SMCO4: variants seen among roughly 807,000 people sequenced by gnomAD.
SMCO4 encodes single-pass membrane protein with coiled-coil domains 4.
In SMCO4, 4 loss-of-function variants were observed where a neutral mutation model predicts 3.6. That is an observed-to-expected ratio of 1.11 (90% CI 0.54 to 2.53). The LOEUF (loss-of-function observed/expected upper bound fraction) is 2.53. Among genes scored for constraint, SMCO4 ranks in the 30% most tolerant of loss-of-function variants. SMCO4 has a pLI of 0.02. For missense variants in SMCO4, 70 were observed against 80.8 expected (o/e 0.87, Z 0.51); for synonymous variants, 36 against 35.3 (o/e 1.02, Z -0.07).
chr11:93,553,698 G>A, the SMCO4 span, among the ~76,000 whole-genome samples: 1 of 152,174 alleles, frequency 6.6e-6, no homozygotes, highest in African/African-American at 2.4e-5. Context: ...ATATTTTAAA[G>A]CTGCATCTTA....
intron 1 of SMCO4, among the ~76,000 whole-genome samples, chr11:93,531,643 C>G (rs553361537): frequency 1.3e-5 from 2 of 152,252 alleles, no homozygotes; most frequent in South Asian, 4.1e-4. Flanking sequence ...ACAGGTAACA[C>G]TAATTAATAT....
At chr11:93,548,496 G>A in the SMCO4 span, among the ~76,000 whole-genome samples, 1 of 152,156 alleles carries the variant, frequency 6.6e-6, no homozygotes, top group African/African-American at 2.4e-5. Flanking sequence ...TAATCATGTA[G>A]CCTGTTTCCT....
At chr11:93,480,423 G>C (rs1948578514) in intron 2 of SMCO4, among the ~76,000 whole-genome samples, 1 of 152,198 alleles carries the variant, frequency 6.6e-6, no homozygotes, top group East Asian at 1.9e-4. Flanking sequence ...CCAGCATTCT[G>C]CATCACCAGC....
intron 1 of SMCO4, among the ~76,000 whole-genome samples, chr11:93,540,261 T>C (rs1949261340): frequency 6.6e-6 from 1 of 151,880 alleles, no homozygotes; most frequent in Non-Finnish European, 1.5e-5. Flanking sequence ...GGGAAAGGAG[T>C]GGATGCCAAT....
intron 1 of SMCO4, among the ~76,000 whole-genome samples, chr11:93,541,907 G>C (rs1454336021): frequency 2.0e-5 from 3 of 152,086 alleles, no homozygotes; most frequent in Admixed American, 6.5e-5. Flanking sequence ...ACATCACACT[G>C]TCGAGCTCTC....
At chr11:93,494,396 G>A (rs1482439678) in intron 2 of SMCO4, among the ~76,000 whole-genome samples, 3 of 152,176 alleles carry the variant, frequency 2.0e-5, no homozygotes, top group African/African-American at 7.2e-5. Context: ...TAACAAGAAA[G>A]CCAAGTTAAC....
chr11:93,487,211 C>T (rs1037452597), intron 2 of SMCO4, among the ~76,000 whole-genome samples: 4 of 152,170 alleles, frequency 2.6e-5, no homozygotes, highest in African/African-American at 9.7e-5. Context: ...GTGATCACTT[C>T]ACTCCAGTCT....
intron 1 of SMCO4, among the ~76,000 whole-genome samples, chr11:93,538,167 G>A (rs1051468973): frequency 2.6e-5 from 4 of 152,194 alleles, no homozygotes; most frequent in Non-Finnish European, 4.4e-5. Context: ...ATCTCCTTGG[G>A]CTCTGATGCC....
At chr11:93,481,885 T>A (rs1948596407) in intron 2 of SMCO4, among the ~76,000 whole-genome samples, 2 of 152,216 alleles carry the variant, frequency 1.3e-5, no homozygotes, top group Non-Finnish European at 2.9e-5. Flanking sequence ...GGGCTAGCCA[T>A]GCCCTGGCTG....
chr11:93,514,101 G>C (rs778873445), intron 1 of SMCO4, among the ~76,000 whole-genome samples: 2 of 151,950 alleles, frequency 1.3e-5, no homozygotes, highest in Admixed American at 1.3e-4. Context: ...CTGAATGAAT[G>C]GTCATGATTC....
intron 2 of SMCO4, among the ~76,000 whole-genome samples, chr11:93,482,682 A>G (rs1948605530): frequency 1.3e-5 from 2 of 152,220 alleles, no homozygotes; most frequent in South Asian, 4.1e-4. Flanking sequence ...GTGCCAGAAC[A>G]TAAGCGAACG....
rs1949135303 is a variant in SMCO4 at position 93,528,721 on chromosome 11, T to A, written c.-154+14555A>T. 2.0e-5 allele frequency among the ~76,000 whole-genome samples: 3 copies of A among 151,940 alleles called. No homozygotes were observed. In the South Asian group the frequency reaches 6.3e-4, roughly 32 times the overall value. On this transcript the variant is annotated intron_variant, in intron 1 of 2. Coordinates refer to ENST00000298966, the MANE Select transcript of SMCO4 (RefSeq NM_020179.3). ...CAATCATTTCATCCAACCCTCTAGA[T>A]TAAAGATGAGAGAACTGAGGCCCAG...
intron 1 of SMCO4, among the ~76,000 whole-genome samples, chr11:93,531,083 T>C (rs1459404027): frequency 6.6e-6 from 1 of 152,234 alleles, no homozygotes; most frequent in Non-Finnish European, 1.5e-5. Flanking sequence ...ATTCCTTGTA[T>C]GTCTGTGAGG....
the SMCO4 span, among the ~76,000 whole-genome samples, chr11:93,553,014 C>G: frequency 6.6e-6 from 1 of 152,146 alleles, no homozygotes; most frequent in Non-Finnish European, 1.5e-5. Context: ...CGTCAAAGGC[C>G]TGGCCACAGA....
At chr11:93,525,397 C>G (rs970245109) in intron 1 of SMCO4, among the ~76,000 whole-genome samples, 4 of 152,096 alleles carry the variant, frequency 2.6e-5, no homozygotes, top group Middle Eastern at 3.2e-3. Flanking sequence ...AGCTATTATC[C>G]AACTTGAAGC....
intron 1 of SMCO4, among the ~76,000 whole-genome samples, chr11:93,511,503 T>A (rs1171292147): frequency 6.6e-6 from 1 of 152,180 alleles, no homozygotes; most frequent in Non-Finnish European, 1.5e-5. Flanking sequence ...CTGTGTGGGT[T>A]TTCTCCAGGT....
chr11:93,517,563 C>A (rs1949018961), intron 1 of SMCO4, among the ~76,000 whole-genome samples: 1 of 152,150 alleles, frequency 6.6e-6, no homozygotes, highest in Admixed American at 6.5e-5. Context: ...TTCTCTAGTT[C>A]CAGCACTTTG....
At chr11:93,511,096 C>T (rs1327117777) in intron 1 of SMCO4, among the ~76,000 whole-genome samples, 1 of 151,990 alleles carries the variant, frequency 6.6e-6, no homozygotes, top group Non-Finnish European at 1.5e-5. Flanking sequence ...AAGACTCCGT[C>T]TCAAAATGGG....
chr11:93,497,533 G>A (rs1948788498), intron 2 of SMCO4, among the ~76,000 whole-genome samples: 1 of 152,130 alleles, frequency 6.6e-6, no homozygotes, highest in Non-Finnish European at 1.5e-5. Flanking sequence ...GGGAGCACCA[G>A]GGTCAGACTC....
Sources: allele counts gnomAD v4.1 joint callset (sites outside exome capture counted in the v4.1 genomes callset), GRCh38; gene constraint gnomAD v4.1.1; transcripts MANE v1.5; gene names NCBI Gene and HGNC (gene_info 2026-07-23, HGNC 2026-07-21).